EDARADD: variants seen among roughly 807,000 people sequenced by gnomAD.
EDARADD encodes ectodysplasin-A receptor-associated adapter protein.
Under a neutral mutation model 25.6 loss-of-function variants are expected in EDARADD, and 20 were observed. That is an observed-to-expected ratio of 0.78 (90% confidence interval 0.55 to 1.14). The LOEUF (loss-of-function observed/expected upper bound fraction) is 1.14, where lower values mean the gene tolerates loss of function less well. EDARADD is among the 50% of genes most tolerant of loss of function. EDARADD has a pLI of 0.00. For synonymous variants in EDARADD, 86 were observed against 94.4 expected (o/e 0.91, Z 0.52); for missense variants, 225 against 270.1 (o/e 0.83, Z 1.17).
intron 3 of EDARADD, among the ~76,000 whole-genome samples, chr1:236,371,284 C>A (rs1025671716): frequency 6.6e-6 from 1 of 152,136 alleles, no homozygotes; most frequent in African/African-American, 2.4e-5. Context: ...GATTCTGCAA[C>A]CTTGCTGTAA....
At chr1:236,428,651 C>G (rs537442404) in intron 4 of EDARADD, among the ~76,000 whole-genome samples, 4 of 135,012 alleles carry the variant, frequency 3.0e-5, no homozygotes, top group Non-Finnish European at 6.6e-5. Flanking sequence ...ACTTCCTAGA[C>G]GGGATGGCGG....
At chr1:236,427,569 AG>A (rs1657958198) in intron 4 of EDARADD, 119 bp downstream of exon 4, 1 of 991,274 alleles carries the variant, frequency 1.0e-6, no homozygotes. Flanking sequence ...GATCATAAAC[AG>A]GGTTTGCAAA....
chr1:236,425,810 A>C (rs1224829312), intron 3 of EDARADD, among the ~76,000 whole-genome samples: 4 of 152,132 alleles, frequency 2.6e-5, no homozygotes, highest in Non-Finnish European at 4.4e-5. Flanking sequence ...CCAGAGTGCA[A>C]ATCTTCCAGT....
intron 4 of EDARADD, among the ~76,000 whole-genome samples, chr1:236,430,660 C>T (rs1000804266): frequency 3.9e-5 from 6 of 152,304 alleles, no homozygotes; most frequent in East Asian, 1.9e-4. Flanking sequence ...TGGCTGCTTC[C>T]GTTGACTATT....
At chr1:236,390,857 A>G (rs1163776408), upstream of EDARADD, among the ~76,000 whole-genome samples, 3 of 152,118 alleles carry the variant, frequency 2.0e-5, no homozygotes, top group Non-Finnish European at 4.4e-5. Context: ...CTGGCATTCA[A>G]GAAGGTCAGT....
intron 3 of EDARADD, among the ~76,000 whole-genome samples, chr1:236,421,479 C>T (rs1458656605): frequency 7.2e-6 from 1 of 138,380 alleles, no homozygotes; most frequent in Non-Finnish European, 1.6e-5. Context: ...CATTCAAGAC[C>T]TTCCCAGTTC....
chr1:236,428,847 T>C (rs1335013851), intron 4 of EDARADD, among the ~76,000 whole-genome samples: 1 of 151,872 alleles, frequency 6.6e-6, no homozygotes, highest in African/African-American at 2.4e-5. Flanking sequence ...CTGGGCAACA[T>C]TGAGCACTGA....
intron 4 of EDARADD, among the ~76,000 whole-genome samples, chr1:236,431,687 C>T (rs1483225109): frequency 1.8e-4 from 9 of 49,180 alleles, no homozygotes; most frequent in African/African-American, 3.1e-4. Flanking sequence ...TTTGGGAGGC[C>T]GAGGCGGGTG....
chr1:236,429,951 A>T (rs1278877954), intron 4 of EDARADD, among the ~76,000 whole-genome samples: 2 of 152,230 alleles, frequency 1.3e-5, no homozygotes, highest in African/African-American at 4.8e-5. Flanking sequence ...TTCTATATAT[A>T]ACATCAAGTT....
chr1:236,410,407 G>T (rs77778328), intron 2 of EDARADD, among the ~76,000 whole-genome samples: 5,726 of 152,204 alleles, frequency 0.038, 336 homozygotes, highest in African/African-American at 0.13. Context: ...GCATCCATGT[G>T]GCTGCAAAGG....
intron 1 of EDARADD, chr1:236,348,316 T>A (rs894261386): frequency 6.6e-6 from 1 of 152,280 alleles, no homozygotes; most frequent in African/African-American, 2.4e-5. Flanking sequence ...GGGGAGCCAG[T>A]TGGGGAAACT....
At chr1:236,350,060 C>T (rs558393894) in intron 2 of EDARADD, among the ~76,000 whole-genome samples, 1 of 152,190 alleles carries the variant, frequency 6.6e-6, no homozygotes, top group South Asian at 2.1e-4. Context: ...TGCAGTGAGC[C>T]GTGCCACTGC....
intron 3 of EDARADD, among the ~76,000 whole-genome samples, chr1:236,376,737 A>G (rs970135846): frequency 1.3e-5 from 2 of 152,180 alleles, no homozygotes; most frequent in African/African-American, 4.8e-5. Context: ...GGAAATACAC[A>G]GTCATTATTC....
intron 1 of EDARADD, among the ~76,000 whole-genome samples, chr1:236,405,521 T>C (rs1667691681): frequency 6.6e-6 from 1 of 152,204 alleles, no homozygotes; most frequent in South Asian, 2.1e-4. Context: ...AAAGCTTACG[T>C]GACTTCTCCA....
intron 4 of EDARADD, among the ~76,000 whole-genome samples, chr1:236,455,301 C>G (rs1022780976): frequency 6.6e-6 from 1 of 152,114 alleles, no homozygotes; most frequent in African/African-American, 2.4e-5. Context: ...TCACCAGACT[C>G]TCTGCAGACC....
At chr1:236,439,461 C>T (rs1389176253) in intron 4 of EDARADD, among the ~76,000 whole-genome samples, 1 of 152,236 alleles carries the variant, frequency 6.6e-6, no homozygotes, top group African/African-American at 2.4e-5. Flanking sequence ...TTTTGCATTC[C>T]CACCCAGCAA....
chr1:236,405,785 CTTTCTTTTCTT>C (rs1667706525), intron 1 of EDARADD, among the ~76,000 whole-genome samples: 6 of 54,456 alleles, frequency 1.1e-4, no homozygotes, highest in African/African-American at 3.0e-4. Context: ...TTCTTTCTTT[CTTTCTTTTCTT>C]TTTCTTTCTT....
chr1:236,456,056 A>T (rs566310797), intron 4 of EDARADD, among the ~76,000 whole-genome samples: 56 of 151,990 alleles, frequency 3.7e-4, no homozygotes, highest in Non-Finnish European at 6.3e-4. Flanking sequence ...CCCAAAGTAC[A>T]GGGATTATAG....
rs777298254 is a variant in EDARADD, at chr1:236,482,456, A to C, written c.455A>C (p.Glu152Ala). Reference protein sequence around the residue: ...FASKWGMSYDELCFLEQRPQS... With the variant: ...FASKWGMSYDALCFLEQRPQS... ...AGCAAATGGGGGATGTCCTATGACG[A>C]ATTGTGCTTCCTGGAGCAGAGGCCA... The change falls in exon 6 of 6, where the codon GAA (glutamate) becomes GCA (alanine). Residue 152 changes from glutamate (E) to alanine (A), a missense_variant. Transcript: ENST00000334232. 3.7e-6 allele frequency: 6 copies of C among 1,614,152 alleles called. No individual in the cohort carries two copies. The highest frequency in any genetic ancestry group is 2.2e-5 in the South Asian group (2 of 91,074).
Sources: gnomAD v4.1 joint callset for allele counts (sites outside exome capture counted in the v4.1 genomes callset) on GRCh38, gnomAD v4.1.1 for gene constraint, MANE v1.5 for transcripts, NCBI Gene and HGNC (gene_info 2026-07-23, HGNC 2026-07-21) for gene names.